The following ANTXR2 variants were observed in gnomAD, a reference collection of about 807,000 sequenced individuals.
The protein encoded by ANTXR2 is ANTXR cell adhesion molecule 2.
ANTXR2 carries 44 observed loss-of-function variants against 73.7 expected under a neutral mutation model. The observed-to-expected ratio is 0.60, with a 90% CI of 0.47 to 0.77. The LOEUF is 0.77. Among genes scored for constraint, ANTXR2 ranks in the 30% least tolerant of loss-of-function variants. ANTXR2 has a pLI of 0.00. For missense variants in ANTXR2, 604 were observed against 592.5 expected (o/e 1.02, Z -0.20); for synonymous variants, 217 against 205.9 (o/e 1.05, Z -0.46).
At chr4:80,004,057 C>T (rs1188079226) in intron 12 of ANTXR2, among the ~76,000 whole-genome samples, 1 of 151,766 alleles carries the variant, frequency 6.6e-6, no homozygotes, top group African/African-American at 2.4e-5. Context: ...ACATCTACAC[C>T]ATTAATTACT....
chr4:79,983,012 T>G (rs1729956460), intron 14 of ANTXR2, among the ~76,000 whole-genome samples: 1 of 152,120 alleles, frequency 6.6e-6, no homozygotes, highest in African/African-American at 2.4e-5. Flanking sequence ...GTTCATTAGG[T>G]TATCAATTTT....
At position 80,072,509 on chromosome 4, in the gene ANTXR2, C is replaced by T. The variant is rs1290660074; in HGVS notation, c.52G>A (p.Gly18Arg). ...CCGCTGAGCACCAACAGCCACAGCC[C>T]GGGGAACAGCCAGCTCCCGGGGCTG... is the stretch of plus-strand genomic sequence containing the variant. ...ARSPGSWLFP[G>R]LWLLVLSGPG... Residue 18 changes from glycine (G) to arginine (R), a missense_variant, in exon 1 of 17, where the codon GGG (glycine) becomes AGG (arginine). Physicochemically the swap from Gly to Arg is moderately radical, Grantham distance 125. Transcript: ENST00000403729. 2 of 1,604,620 alleles carry T rather than the reference C, an allele frequency of 1.2e-6. No homozygotes were observed. Among genetic ancestry groups the T allele is most frequent in the Middle Eastern group, 1.7e-4 (1 of 5,922 alleles).
intron 8 of ANTXR2, among the ~76,000 whole-genome samples, chr4:80,035,134 C>T (rs1457381168): frequency 2.0e-5 from 3 of 152,092 alleles, no homozygotes; most frequent in African/African-American, 7.2e-5. Context: ...TAATAAACAA[C>T]AGCTACTATT....
At chr4:79,985,354 AAAAAAG>A (rs1282595659) in intron 12 of ANTXR2, among the ~76,000 whole-genome samples, 13 of 152,038 alleles carry the variant, frequency 8.6e-5, no homozygotes, top group Middle Eastern at 3.4e-3. Flanking sequence ...TGTCTCAAAA[AAAAAAG>A]AAAAAGAAAA....
intron 10 of ANTXR2, 103 bp downstream of exon 10, chr4:80,031,520 T>C (rs1732693001): frequency 1.1e-6 from 1 of 924,602 alleles, no homozygotes; most frequent in Non-Finnish European, 1.5e-6. Context: ...TAATGCTCTG[T>C]ATATCAAAAA....
intron 7 of ANTXR2, among the ~76,000 whole-genome samples, chr4:80,038,863 T>A (rs1427335890): frequency 6.6e-6 from 1 of 152,020 alleles, no homozygotes; most frequent in Non-Finnish European, 1.5e-5. Flanking sequence ...AAAAAAACTG[T>A]TTGGACCTTA....
chr4:79,927,037 G>GTA (rs1290517834), intron 16 of ANTXR2, among the ~76,000 whole-genome samples: 3 of 110,114 alleles, frequency 2.7e-5, no homozygotes, highest in African/African-American at 8.6e-5. Context: ...ATATATGTGT[G>GTA]TATATATATG....
intron 12 of ANTXR2, among the ~76,000 whole-genome samples, chr4:80,006,540 A>T (rs191440492): frequency 3.5e-4 from 53 of 152,120 alleles, no homozygotes; most frequent in African/African-American, 1.2e-3. Context: ...GGAAATTAAT[A>T]AGCATTTGTG....
In ANTXR2 at chr4:79,907,294, A is replaced by G; in HGVS notation, c.*135T>C. On this transcript the variant is annotated 3_prime_UTR_variant, in exon 17 of 17. Coordinates refer to ENST00000403729, the MANE Select transcript of ANTXR2 (RefSeq NM_058172.6). ...GCAAGCAAAGCAGAAGGCAGAGAAA[A>G]CATTTCCCGACTGAGAGGAATTAAG... The G allele has an allele frequency of 1.1e-6, 1 of 949,204 alleles. No homozygotes were observed. The highest frequency in any genetic ancestry group is 2.1e-4 in the Middle Eastern group (1 of 4,732). The allele number at this position is 949,204 out of a possible 1,614,324, so 58.8% of individuals were successfully genotyped here.
intron 12 of ANTXR2, among the ~76,000 whole-genome samples, chr4:79,989,893 C>A (rs1489471432): frequency 1.3e-5 from 2 of 152,090 alleles, no homozygotes; most frequent in Non-Finnish European, 2.9e-5. Flanking sequence ...ACATGATCAT[C>A]TCAATAGACT....
intron 3 of ANTXR2, among the ~76,000 whole-genome samples, chr4:80,057,805 T>G (rs1734065411): frequency 1.3e-5 from 2 of 152,052 alleles, no homozygotes; most frequent in African/African-American, 4.8e-5. Context: ...ATTAGGCTAT[T>G]ACCATGTCTT....
intron 7 of ANTXR2, among the ~76,000 whole-genome samples, chr4:80,052,769 G>T (rs900499098): frequency 6.6e-6 from 1 of 151,392 alleles, no homozygotes. Context: ...GGCAAGAAAG[G>T]CCATACTTAG....
chr4:80,040,763 TACAC>T (rs67089731), intron 7 of ANTXR2, among the ~76,000 whole-genome samples: 18 of 150,002 alleles, frequency 1.2e-4, no homozygotes, highest in South Asian at 4.2e-4. Flanking sequence ...CACACACACA[TACAC>T]ACACACACAC....
chr4:80,068,272 T>C (rs1189965214), intron 3 of ANTXR2, among the ~76,000 whole-genome samples: 1 of 152,196 alleles, frequency 6.6e-6, no homozygotes, highest in African/African-American at 2.4e-5. Context: ...GAAATTCACA[T>C]ATCATGCAAA....
chr4:80,022,066 A>G (rs891894095), intron 10 of ANTXR2, among the ~76,000 whole-genome samples: 2 of 152,202 alleles, frequency 1.3e-5, no homozygotes, highest in Non-Finnish European at 2.9e-5. Context: ...TTGTCCAAAT[A>G]TTGGACTTCA....
At chr4:80,069,248 G>T (rs752306200) in intron 3 of ANTXR2, among the ~76,000 whole-genome samples, 188 bp downstream of exon 3, 5 of 152,142 alleles carry the variant, frequency 3.3e-5, no homozygotes, top group Non-Finnish European at 7.3e-5. Flanking sequence ...CACTATAAAT[G>T]ATATTGATTT....
At chr4:79,951,518 G>A (rs1219524975) in intron 16 of ANTXR2, among the ~76,000 whole-genome samples, 1 of 152,030 alleles carries the variant, frequency 6.6e-6, no homozygotes, top group Non-Finnish European at 1.5e-5. Context: ...GGAGGTTGCA[G>A]TGAGCCAAGA....
rs1194477435 is a variant in ANTXR2 at position 80,073,140 on chromosome 4, G to A, written c.-580C>T. ...TGCGCTGACAGGCCGTCCCCTTTAG[G>A]GGAGGAGGCTAGCTGGCCCTGGGAC... On this transcript the variant is annotated 5_prime_UTR_variant, in exon 1 of 17. Coordinates refer to ENST00000403729, the MANE Select transcript of ANTXR2 (RefSeq NM_058172.6). The A allele has an allele frequency of 6.6e-6, 1 of 152,660 alleles. No individual in the cohort carries two copies. The highest frequency in any genetic ancestry group is 1.5e-5 in the Non-Finnish European group (1 of 68,464). 9.5% of individuals were successfully genotyped at this position (152,660 alleles called of 1,614,324 possible). A position where few individuals can be genotyped will look rare whatever the true frequency, so the allele number is the denominator to read the frequency against.
chr4:80,038,005 T>G (rs1034772353), intron 7 of ANTXR2, among the ~76,000 whole-genome samples: 1 of 152,128 alleles, frequency 6.6e-6, no homozygotes, highest in Non-Finnish European at 1.5e-5. Flanking sequence ...GTTTATAATC[T>G]CTTTAGTTAT....
Sources: allele counts gnomAD v4.1 joint callset (sites outside exome capture counted in the v4.1 genomes callset), GRCh38; gene constraint gnomAD v4.1.1; transcripts MANE v1.5; gene names NCBI Gene and HGNC (gene_info 2026-07-23, HGNC 2026-07-21).